ADD1: variants seen among roughly 807,000 people sequenced by gnomAD.
ADD1 encodes the protein alpha-adducin.
In ADD1, 24 loss-of-function variants were observed where a neutral mutation model predicts 80.5. The observed-to-expected ratio is 0.30, with a 90% CI of 0.22 to 0.42. ADD1 has a LOEUF of 0.42. ADD1 is among the 10% of genes least tolerant of loss of function. The pLI is 1.00. For synonymous variants in ADD1, 373 were observed against 393.8 expected (o/e 0.95, Z 0.63); for missense variants, 948 against 1,019.0 (o/e 0.93, Z 0.95).
Position 2,897,449 on chromosome 4 carries a change from T to C in ADD1, c.742-735T>C, listed in dbSNP as rs1735429870. ...TATATATATACAAACTTGTATAAAT[T>C]TGCTTTCACCTAATTTTTAGGTGTT... On this transcript the variant is annotated intron_variant, in intron 6 of 15. Transcript: ENST00000683351. Among the ~76,000 whole-genome samples the C allele has an allele frequency of 3.3e-5, 5 of 149,612 alleles. 1 individual carries two copies. The South Asian group carries it at 1.0e-3, about 31-fold the overall frequency.
intron 14 of ADD1, among the ~76,000 whole-genome samples, chr4:2,920,960 G>A (rs1033410198): frequency 6.6e-6 from 1 of 152,106 alleles, no homozygotes; most frequent in Non-Finnish European, 1.5e-5. Context: ...GTATGTTTTT[G>A]CAGTGGGTGG....
intron 10 of ADD1, chr4:2,905,591 TC>T (rs1439817619): frequency 5.9e-6 from 1 of 169,504 alleles, no homozygotes; most frequent in Admixed American, 5.5e-5. Context: ...CTGACTCTTG[TC>T]CCCTGCCCTT....
intron 13 of ADD1, among the ~76,000 whole-genome samples, chr4:2,912,913 C>T (rs1040362222): frequency 2.0e-5 from 3 of 152,124 alleles, no homozygotes; most frequent in South Asian, 2.1e-4. Context: ...GGCGCAATCT[C>T]GGCTCACCTC....
intron 4 of ADD1, among the ~76,000 whole-genome samples, chr4:2,885,760 C>A (rs972122929): frequency 7.2e-5 from 11 of 151,930 alleles, no homozygotes; most frequent in Non-Finnish European, 1.3e-4. Context: ...CAGGCGCCCG[C>A]CACCACGCCT....
chr4:2,893,470 G>T (rs1007036779), intron 4 of ADD1, among the ~76,000 whole-genome samples: 1 of 151,894 alleles, frequency 6.6e-6, no homozygotes, highest in East Asian at 1.9e-4. Context: ...ATAATTAGCT[G>T]GTCACAGTAT....
intron 2 of ADD1, among the ~76,000 whole-genome samples, chr4:2,877,710 G>C (rs1310994308): frequency 6.6e-6 from 1 of 152,148 alleles, no homozygotes; most frequent in Non-Finnish European, 1.5e-5. Context: ...GCTTGGCTGG[G>C]CATGGTGGCC....
intron 1 of ADD1, among the ~76,000 whole-genome samples, chr4:2,847,451 T>A (rs1016449143): frequency 2.6e-5 from 4 of 151,856 alleles, no homozygotes; most frequent in South Asian, 2.1e-4. Context: ...CTCAACCTTC[T>A]CATTTTTATA....
At chr4:2,865,433 C>A (rs1329336520) in intron 1 of ADD1, among the ~76,000 whole-genome samples, 2 of 152,200 alleles carry the variant, frequency 1.3e-5, no homozygotes, top group Non-Finnish European at 2.9e-5. Context: ...TCTCATGTCT[C>A]AGCCTTTGCG....
intron 1 of ADD1, among the ~76,000 whole-genome samples, chr4:2,856,345 G>GTGATCTGTCTTTTTTTCTTCTGGC (rs1360527895): frequency 6.6e-6 from 1 of 152,058 alleles, no homozygotes; most frequent in African/African-American, 2.4e-5. Flanking sequence ...TCCCTTGTAG[G>GTGATCTGTCTTTTTTTCTTCTGGC]TGATCTGTCT....
In ADD1 at chr4:2,890,159, A is replaced by C. The variant is rs954182964; in HGVS notation, c.511-3854A>C. ...CAGTGAGCTGAAATTGTGCCACTGCACTCCAGCCTGGGCGACAGAGTGAGA... is the reference window on the plus strand; with the variant it reads ...CAGTGAGCTGAAATTGTGCCACTGCCCTCCAGCCTGGGCGACAGAGTGAGA... On this transcript the variant is annotated intron_variant, in intron 4 of 15. Coordinates refer to ENST00000683351, the MANE Select transcript of ADD1 (RefSeq NM_001354761.2). Among the ~76,000 whole-genome samples the C allele has an allele frequency of 4.2e-3, 634 of 150,898 alleles. 2 individuals carry two copies. The highest frequency in any genetic ancestry group is 0.015 in the African/African-American group (598 of 41,044).
At chr4:2,873,537 A>G (rs1319508397) in intron 1 of ADD1, among the ~76,000 whole-genome samples, 1 of 152,240 alleles carries the variant, frequency 6.6e-6, no homozygotes. Context: ...GCAATTTGTA[A>G]CTAGGGGAAA....
chr4:2,858,188 T>C (rs1257410676), intron 1 of ADD1, among the ~76,000 whole-genome samples: 1 of 152,228 alleles, frequency 6.6e-6, no homozygotes, highest in Non-Finnish European at 1.5e-5. Context: ...TTAGTGTCCA[T>C]TACAGAATGT....
intron 1 of ADD1, chr4:2,844,463 T>G (rs1725868399): frequency 6.6e-6 from 1 of 152,228 alleles, no homozygotes; most frequent in South Asian, 2.1e-4. Context: ...AAACGACGGC[T>G]TCTGCCAAAA....
chr4:2,875,082 C>T (rs753932058), intron 1 of ADD1, among the ~76,000 whole-genome samples: 55 of 152,088 alleles, frequency 3.6e-4, no homozygotes, highest in Middle Eastern at 6.8e-3. Flanking sequence ...TTAAAAAATT[C>T]GCCGGGCATG....
chr4:2,882,727 A>G (rs1029719141), intron 3 of ADD1, among the ~76,000 whole-genome samples: 2 of 152,250 alleles, frequency 1.3e-5, no homozygotes, highest in Non-Finnish European at 2.9e-5. Flanking sequence ...GTTGAATAGC[A>G]TTCAACAGAT....
intron 1 of ADD1, among the ~76,000 whole-genome samples, chr4:2,852,361 C>T (rs1213777256): frequency 8.4e-6 from 1 of 119,604 alleles, no homozygotes; most frequent in Non-Finnish European, 1.6e-5. Flanking sequence ...GAGTCTCGCT[C>T]TTTCGCCCAG....
intron 2 of ADD1, among the ~76,000 whole-genome samples, chr4:2,879,252 C>G (rs1181298181): frequency 6.6e-6 from 1 of 152,188 alleles, no homozygotes; most frequent in Admixed American, 6.5e-5. Flanking sequence ...GGACTAAGCT[C>G]AGCTCTGTGC....
chr4:2,884,829 C>T (rs1244001799), intron 4 of ADD1, among the ~76,000 whole-genome samples, 163 bp downstream of exon 4: 1 of 152,144 alleles, frequency 6.6e-6, no homozygotes, highest in African/African-American at 2.4e-5. Flanking sequence ...GAGAATCAGC[C>T]AGTTTGGGTT....
At chr4:2,918,067 G>T (rs1284229772) in intron 14 of ADD1, among the ~76,000 whole-genome samples, 2 of 152,190 alleles carry the variant, frequency 1.3e-5, no homozygotes, top group Admixed American at 6.5e-5. Flanking sequence ...AAGAAAGTCA[G>T]TGGTAGCTTG....
Sources: gnomAD v4.1 joint callset for allele counts (sites outside exome capture counted in the v4.1 genomes callset) on GRCh38, gnomAD v4.1.1 for gene constraint, MANE v1.5 for transcripts, NCBI Gene and HGNC (gene_info 2026-07-23, HGNC 2026-07-21) for gene names.